NPHP1: variants seen among roughly 807,000 people sequenced by gnomAD.
The protein encoded by NPHP1 is nephrocystin-1.
A neutral mutation model predicts 90.4 loss-of-function variants in NPHP1; 70 were observed. That is an observed-to-expected ratio of 0.77 (90% CI 0.64 to 0.95). The LOEUF (loss-of-function observed/expected upper bound fraction) is 0.95. NPHP1 is among the 40% of genes least tolerant of loss of function. The pLI, the probability that NPHP1 is intolerant of heterozygous loss-of-function variation, is 0.00. For missense variants in NPHP1, 764 were observed against 795.9 expected (o/e 0.96, Z 0.48); for synonymous variants, 256 against 271.7 (o/e 0.94, Z 0.57).
At chr2:110,172,042 A>G (rs1052837688) in intron 4 of NPHP1, among the ~76,000 whole-genome samples, 7 of 152,158 alleles carry the variant, frequency 4.6e-5, no homozygotes, top group African/African-American at 9.7e-5. Context: ...TAATCTGTGG[A>G]AAGGCTTTTA....
intron 2 of NPHP1, among the ~76,000 whole-genome samples, chr2:110,190,312 C>T (rs1418582846): frequency 6.6e-6 from 1 of 152,160 alleles, no homozygotes; most frequent in Non-Finnish European, 1.5e-5. Flanking sequence ...GCTCGGGCCG[C>T]ACAGGAGCCC....
chr2:110,148,181 C>T (rs906908876), intron 12 of NPHP1, among the ~76,000 whole-genome samples, 155 bp from the exon 13 acceptor site: 1 of 152,102 alleles, frequency 6.6e-6, no homozygotes, highest in African/African-American at 2.4e-5. Flanking sequence ...GTCATGAGGG[C>T]AGATCCCTCA....
chr2:110,198,638 C>G (rs1685330164), intron 2 of NPHP1, among the ~76,000 whole-genome samples: 1 of 152,070 alleles, frequency 6.6e-6, no homozygotes, highest in Non-Finnish European at 1.5e-5. Context: ...TGAAGAGAAT[C>G]ATGACTGCTA....
chr2:110,159,290 TATGAA>T (rs1189961927), intron 11 of NPHP1, among the ~76,000 whole-genome samples: 1 of 152,054 alleles, frequency 6.6e-6, no homozygotes, highest in Non-Finnish European at 1.5e-5. Context: ...TTTCTGGCCT[TATGAA>T]ATAAGTTGGG....
chr2:110,127,264 G>GAGC (rs1387786321), intron 18 of NPHP1: 2 of 152,146 alleles, frequency 1.3e-5, no homozygotes, highest in African/African-American at 4.8e-5. Flanking sequence ...GGTGACTGTG[G>GAGC]AGCAGCATCT....
intron 4 of NPHP1, among the ~76,000 whole-genome samples, chr2:110,173,354 A>G (rs796167518): frequency 2.2e-4 from 34 of 152,234 alleles, no homozygotes; most frequent in African/African-American, 8.2e-4. Context: ...GGTGACAATT[A>G]CTTTATGGTC....
intron 4 of NPHP1, among the ~76,000 whole-genome samples, chr2:110,177,346 T>C (rs1445629179): frequency 6.6e-6 from 1 of 152,146 alleles, no homozygotes; most frequent in Non-Finnish European, 1.5e-5. Flanking sequence ...GGATACAGTA[T>C]AAAGGTTGGA....
intron 2 of NPHP1, among the ~76,000 whole-genome samples, chr2:110,193,193 T>A (rs1684876436): frequency 6.6e-6 from 1 of 152,090 alleles, no homozygotes; most frequent in African/African-American, 2.4e-5. Context: ...AATGCTCCAA[T>A]TAAAAGACAC....
chr2:110,176,665 C>A (rs544346182), intron 4 of NPHP1, among the ~76,000 whole-genome samples: 1 of 152,204 alleles, frequency 6.6e-6, no homozygotes, highest in African/African-American at 2.4e-5. Context: ...TTAGAGAAGA[C>A]CTACCTCAGC....
Position 110,195,795 on chromosome 2 carries a change from C to A in NPHP1, c.143+5626G>T, listed in dbSNP as rs1246266990. On this transcript the variant is annotated intron_variant, in intron 2 of 19. Transcript: ENST00000445609. ...TAACCAAAACAGCATGGTACTGGTA[C>A]CAAAACAGAGATATAGACCTATGGA... Among the ~76,000 whole-genome samples the A allele has an allele frequency of 2.0e-5, 3 of 152,142 alleles. No individual in the cohort carries two copies. In the South Asian group the frequency reaches 6.2e-4, roughly 32 times the overall value.
intron 2 of NPHP1, chr2:110,184,169 TGTGGG>T: frequency 1.8e-6 from 1 of 560,724 alleles, no homozygotes; most frequent in Non-Finnish European, 3.6e-6. Context: ...TTCCAAAGTA[TGTGGG>T]CCTACCCATG....
rs760469889 is a variant in NPHP1, at chr2:110,165,135, T to G, written c.645A>C (p.Glu215Asp). The G allele has an allele frequency of 2.1e-5, 33 of 1,600,812 alleles. 1 individual carries two copies. Among genetic ancestry groups the G allele is most frequent in the Non-Finnish European group, 2.5e-5 (29 of 1,171,020 alleles). The change falls in exon 7 of 20, where the codon GAA becomes GAC. Residue 215 changes from glutamate to aspartate, a missense_variant. By Grantham distance (45) the Glu-to-Asp change is conservative. Coordinates refer to ENST00000445609, the MANE Select transcript of NPHP1 (RefSeq NM_001128178.3). ...TGCCCTCTTCACTTGACTCTTGGCC[T>G]TCTTCTTCTTCACTATAAGGCTAAA... ...TYLEPYSEEE[E>D]GQESSEEGSE... is the part of the protein sequence containing the mutation.
In NPHP1 at chr2:110,140,058, G is replaced by A. The variant is rs1160796251; in HGVS notation, c.1529+3484C>T. Among the ~76,000 whole-genome samples the A allele has an allele frequency of 7.9e-5, 12 of 151,828 alleles. No homozygotes were observed. In the East Asian group the frequency reaches 2.3e-3, roughly 30 times the overall value. On this transcript the variant is annotated intron_variant, in intron 16 of 19. Coordinates refer to ENST00000445609, the MANE Select transcript of NPHP1 (RefSeq NM_001128178.3). Reference sequence around the variant, plus strand: ...CCTGACTACAGCCCCCAGCCCTGCTGCAAGGCCCAGGTTTCACTGCCCATA... The same window carrying A: ...CCTGACTACAGCCCCCAGCCCTGCTACAAGGCCCAGGTTTCACTGCCCATA...
chr2:110,125,779 T>C (rs192094216), intron 18 of NPHP1, 98 bp from the exon 19 acceptor site: 70 of 985,138 alleles, frequency 7.1e-5, no homozygotes, highest in East Asian at 4.8e-5. Context: ...TGGACAGGGT[T>C]AAAAATGCTG....
At chr2:110,179,876 T>C (rs1683767861) in intron 2 of NPHP1, among the ~76,000 whole-genome samples, 192 bp from the exon 3 acceptor site, 1 of 152,068 alleles carries the variant, frequency 6.6e-6, no homozygotes, top group African/African-American at 2.4e-5. Flanking sequence ...GTAAAACACA[T>C]AGACATGATA....
chr2:110,196,500 A>G (rs1328674519), intron 2 of NPHP1, among the ~76,000 whole-genome samples: 1 of 152,154 alleles, frequency 6.6e-6, no homozygotes, highest in Non-Finnish European at 1.5e-5. Flanking sequence ...AAAAGTCAGG[A>G]AACAACAAGT....
intron 4 of NPHP1, among the ~76,000 whole-genome samples, chr2:110,170,206 T>A (rs772149290): frequency 4.1e-4 from 62 of 152,158 alleles, no homozygotes; most frequent in Non-Finnish European, 7.1e-4. Context: ...GAGTCATGTA[T>A]GTGAGATGGC....
In NPHP1 at chr2:110,147,907, C is replaced by G. The variant is rs13414551; in HGVS notation, c.1269+9G>C. The stretch of plus-strand genomic sequence containing the variant: ...TACATTAGAAAGCCTTATCTTTCAA[C>G]GGACATACATTGCGAATATAAGAAA... On this transcript the variant is annotated intron_variant, in intron 13 of 19. Transcript: ENST00000445609. 2.1e-6 allele frequency: 3 copies of G among 1,437,566 alleles called. No individual in the cohort carries two copies. Among genetic ancestry groups the G allele is most frequent in the Non-Finnish European group, 9.8e-7 (1 of 1,018,970 alleles). 89.1% of individuals were successfully genotyped at this position (1,437,566 alleles called of 1,614,324 possible).
Position 110,165,057 on chromosome 2 carries a change from C to T in NPHP1, c.723G>A (p.Lys241=), listed in dbSNP as rs1454434393. 6.2e-7 allele frequency: 1 copy of T among 1,612,284 alleles called. No individual in the cohort carries two copies. The highest frequency in any genetic ancestry group is 8.5e-7 in the Non-Finnish European group (1 of 1,178,432). The change falls in exon 7 of 20, where the codon AAG becomes AAA. Residue 241 remains lysine, a synonymous_variant. Coordinates refer to ENST00000445609, the MANE Select transcript of NPHP1 (RefSeq NM_001128178.3). ...VDETADGAEV[K]QRTDPHWSAV... is the part of the protein sequence containing the mutation. The stretch of plus-strand genomic sequence containing the variant: ...ATCCTTTCCCACTTTTGTACCTTTG[C>T]TTAACTTCTGCTCCATCTGCTGTTT...
Sources: allele counts gnomAD v4.1 joint callset (sites outside exome capture counted in the v4.1 genomes callset), GRCh38; gene constraint gnomAD v4.1.1; transcripts MANE v1.5; gene names NCBI Gene and HGNC (gene_info 2026-07-23, HGNC 2026-07-21).